Variants in CMSS1 observed in about 807,000 individuals in gnomAD.
The protein encoded by CMSS1 is cms1 ribosomal small subunit homolog.
CMSS1 carries 33 observed loss-of-function variants against 43.5 expected under a neutral mutation model. The ratio of observed to expected loss-of-function variants is 0.76; its 90% CI spans 0.57 to 1.01. The LOEUF is 1.01. Ranked by LOEUF, CMSS1 falls within the 50% of genes least tolerant of loss-of-function variation. The pLI is 0.00. For synonymous variants in CMSS1, 115 were observed against 117.2 expected (o/e 0.98, Z 0.12); for missense variants, 313 against 326.4 (o/e 0.96, Z 0.32).
intron 1 of CMSS1, among the ~76,000 whole-genome samples, chr3:100,065,731 CTAAT>C (rs2065652761): frequency 6.6e-6 from 1 of 152,194 alleles, no homozygotes; most frequent in Admixed American, 6.5e-5. Flanking sequence ...ATTCTTGTAT[CTAAT>C]TAGTCCAACA....
At chr3:100,117,854 C>CACGTATATATATATATATATATACGTAT (rs1320512565) in intron 1 of CMSS1, among the ~76,000 whole-genome samples, 1 of 90,748 alleles carries the variant, frequency 1.1e-5, no homozygotes, top group Non-Finnish European at 2.0e-5. Flanking sequence ...TATATATATA[C>CACGTATATATATATATATATATACGTAT]ATATATATAT....
chr3:99,876,547 A>G (rs933833404), intron 1 of CMSS1, among the ~76,000 whole-genome samples: 2 of 152,264 alleles, frequency 1.3e-5, no homozygotes, highest in Admixed American at 1.3e-4. Context: ...AAACTTTTGT[A>G]AATTCATTAT....
At chr3:100,133,470 T>TA (rs2066726489) in intron 1 of CMSS1, among the ~76,000 whole-genome samples, 1 of 152,172 alleles carries the variant, frequency 6.6e-6, no homozygotes, top group Non-Finnish European at 1.5e-5. Context: ...GGTTTTTTTT[T>TA]ACTTTTCTGC....
chr3:99,914,203 G>C (rs1006805266), intron 1 of CMSS1, among the ~76,000 whole-genome samples: 4 of 152,200 alleles, frequency 2.6e-5, no homozygotes, highest in Non-Finnish European at 5.9e-5. Flanking sequence ...GGTAAGCCAG[G>C]ATCCTGGATT....
At chr3:100,150,629 AT>A (rs1288381519) in intron 2 of CMSS1, among the ~76,000 whole-genome samples, 1 of 152,334 alleles carries the variant, frequency 6.6e-6, no homozygotes, top group African/African-American at 2.4e-5. Flanking sequence ...AAGTTTTTAA[AT>A]CCATGCAACT....
intron 1 of CMSS1, among the ~76,000 whole-genome samples, chr3:100,057,731 C>T (rs921717358): frequency 9.2e-5 from 14 of 152,220 alleles, no homozygotes; most frequent in Non-Finnish European, 1.8e-4. Context: ...TGCATTTGGT[C>T]GCAGAAGGTA....
chr3:99,873,752 C>T (rs813218), intron 1 of CMSS1, among the ~76,000 whole-genome samples: 77,458 of 151,924 alleles, frequency 0.51, 20,195 homozygotes, highest in African/African-American at 0.6. Flanking sequence ...GCAAGAGAAC[C>T]GGAAAATTAA....
At chr3:99,912,034 A>G (rs1706805918) in intron 1 of CMSS1, among the ~76,000 whole-genome samples, 1 of 152,196 alleles carries the variant, frequency 6.6e-6, no homozygotes, top group South Asian at 2.1e-4. Context: ...TAGAGTGTTA[A>G]GAACACAGTG....
At chr3:99,850,120 T>C in intron 1 of CMSS1, 1 of 1,612,810 alleles carries the variant, frequency 6.2e-7, no homozygotes, top group South Asian at 1.1e-5. Context: ...AGAAGCAGCT[T>C]GTAATTTATC....
chr3:100,160,621 G>C, intron 3 of CMSS1, 120 bp downstream of exon 3: 1 of 591,838 alleles, frequency 1.7e-6, no homozygotes, highest in Non-Finnish European at 3.1e-6. Flanking sequence ...GACATTGTAA[G>C]ATTCTTTGAG....
intron 1 of CMSS1, among the ~76,000 whole-genome samples, chr3:99,946,365 C>T (rs1312260527): frequency 6.6e-6 from 1 of 152,270 alleles, no homozygotes; most frequent in Non-Finnish European, 1.5e-5. Flanking sequence ...TTTTTTGTTA[C>T]GGAAAAGGAG....
chr3:99,885,955 C>G (rs143418494), intron 1 of CMSS1, among the ~76,000 whole-genome samples: 1 of 152,358 alleles, frequency 6.6e-6, no homozygotes, highest in Non-Finnish European at 1.5e-5. Flanking sequence ...CAACTAGTAG[C>G]ACTCTTTGTG....
chr3:100,031,095 A>AT (rs1011897273), intron 1 of CMSS1, among the ~76,000 whole-genome samples: 2 of 151,936 alleles, frequency 1.3e-5, no homozygotes, highest in African/African-American at 4.8e-5. Flanking sequence ...GTCAGATTCT[A>AT]TTTTTTTCTG....
intron 1 of CMSS1, chr3:99,850,902 C>T (rs1415286712): frequency 6.2e-7 from 1 of 1,614,154 alleles, no homozygotes; most frequent in South Asian, 1.1e-5. Context: ...CTTGGATTTT[C>T]TGTCTTTGAA....
chr3:99,984,584 G>A (rs1034584237), intron 1 of CMSS1, among the ~76,000 whole-genome samples: 13 of 152,182 alleles, frequency 8.5e-5, no homozygotes, highest in Non-Finnish European at 1.9e-4. Flanking sequence ...TCTACCCTTA[G>A]AAGATCTTTG....
intron 1 of CMSS1, among the ~76,000 whole-genome samples, chr3:99,939,049 A>T (rs1172611437): frequency 6.6e-6 from 1 of 152,240 alleles, no homozygotes; most frequent in Admixed American, 6.5e-5. Flanking sequence ...GGCATAGACA[A>T]GTCTTTAGAC....
intron 1 of CMSS1, among the ~76,000 whole-genome samples, chr3:100,050,701 T>C (rs1452056306): frequency 6.6e-6 from 1 of 152,172 alleles, no homozygotes; most frequent in Admixed American, 6.5e-5. Context: ...TGGCTAATTT[T>C]GTATTTTTAG....
chr3:99,875,987 G>T, intron 1 of CMSS1: 2 of 898,098 alleles, frequency 2.2e-6, no homozygotes, highest in Non-Finnish European at 2.7e-6. Flanking sequence ...TGCTGAGACA[G>T]CTTTAACAGC....
intron 1 of CMSS1, among the ~76,000 whole-genome samples, chr3:99,933,307 A>G (rs1185814883): frequency 6.6e-6 from 1 of 152,220 alleles, no homozygotes; most frequent in Non-Finnish European, 1.5e-5. Context: ...GATGTGTGAC[A>G]GTAGTTGTCA....
Sources: gnomAD v4.1 joint callset for allele counts (sites outside exome capture counted in the v4.1 genomes callset) on GRCh38, gnomAD v4.1.1 for gene constraint, MANE v1.5 for transcripts, NCBI Gene and HGNC (gene_info 2026-07-23, HGNC 2026-07-21) for gene names.